SSBP2: variants seen among roughly 807,000 people sequenced by gnomAD.
SSBP2 encodes the protein single-stranded DNA-binding protein 2.
SSBP2 carries 17 observed loss-of-function variants against 61.8 expected under a neutral mutation model. The observed-to-expected ratio is 0.28, with a 90% CI of 0.19 to 0.41. SSBP2 has a LOEUF of 0.41. SSBP2 is among the 10% of genes least tolerant of loss of function. The pLI, the probability that SSBP2 is intolerant of heterozygous loss-of-function variation, is 1.00. For missense variants in SSBP2, 310 were observed against 458.7 expected, an observed-to-expected ratio of 0.68 and a Z score of 2.96; for synonymous variants, 139 against 141.3, an observed-to-expected ratio of 0.98 and a Z score of 0.12.
chr5:81,488,010 AATATATATATATATATATATATAT>A (rs59039206), intron 6 of SSBP2, among the ~76,000 whole-genome samples: 8,842 of 38,858 alleles, frequency 0.23, 1,061 homozygotes, highest in Non-Finnish European at 0.27. Context: ...ATGGCCAAAT[AATATATATATATATATATATATAT>A]ATATATATAT....
At chr5:81,640,701 G>A (rs1309173724) in intron 2 of SSBP2, among the ~76,000 whole-genome samples, 2 of 151,012 alleles carry the variant, frequency 1.3e-5, no homozygotes, top group African/African-American at 4.9e-5. Flanking sequence ...CAAAAACTCT[G>A]ATGTCCTGCT....
intron 12 of SSBP2, among the ~76,000 whole-genome samples, chr5:81,446,156 A>G (rs1763387735): frequency 6.6e-6 from 1 of 152,060 alleles, no homozygotes; most frequent in South Asian, 2.1e-4. Flanking sequence ...ATAGAGTCAC[A>G]TGGTATGAAC....
At chr5:81,450,762 C>A (rs1763716697) in intron 10 of SSBP2, among the ~76,000 whole-genome samples, 1 of 152,226 alleles carries the variant, frequency 6.6e-6, no homozygotes, top group East Asian at 1.9e-4. Context: ...TCCTTCATGG[C>A]ACTGTCAACA....
chr5:81,440,685 C>T (rs1386101675), intron 13 of SSBP2, 49 bp from the exon 14 acceptor site: 1 of 1,340,638 alleles, frequency 7.5e-7, no homozygotes, highest in Non-Finnish European at 1.0e-6. Flanking sequence ...AAAACAATGG[C>T]TTATCTCAAT....
Position 81,606,930 on chromosome 5 carries a change from G to C in SSBP2, c.282+8543C>G, listed in dbSNP as rs575740129. 2.0e-5 allele frequency among the ~76,000 whole-genome samples: 3 copies of C among 152,282 alleles called. No homozygotes were observed. The South Asian group carries it at 6.2e-4, about 32-fold the overall frequency. On this transcript the variant is annotated intron_variant, in intron 4 of 16. Transcript: ENST00000320672. ...TGTTTCACAAGGATATTCCAGGCTAGAGCAAAAAGTAAAAAGCCAGCCTTG... is the reference window on the plus strand; with the variant it reads ...TGTTTCACAAGGATATTCCAGGCTACAGCAAAAAGTAAAAAGCCAGCCTTG...
intron 4 of SSBP2, among the ~76,000 whole-genome samples, chr5:81,597,623 G>A (rs1743903624): frequency 6.6e-6 from 1 of 152,048 alleles, no homozygotes; most frequent in South Asian, 2.1e-4. Flanking sequence ...GTCCAACAAC[G>A]ATGGACTGGA....
chr5:81,454,872 CTCT>C (rs1764025299), intron 10 of SSBP2, among the ~76,000 whole-genome samples: 1 of 152,030 alleles, frequency 6.6e-6, no homozygotes, highest in Non-Finnish European at 1.5e-5. Flanking sequence ...ATCTAATGGT[CTCT>C]TCTTCTCCTC....
intron 6 of SSBP2, among the ~76,000 whole-genome samples, chr5:81,477,389 C>T (rs953743387): frequency 1.3e-4 from 20 of 152,308 alleles, no homozygotes; most frequent in African/African-American, 4.8e-4. Flanking sequence ...AATTCAACAA[C>T]TCCAATTCCA....
At chr5:81,529,910 G>C (rs545915594) in intron 4 of SSBP2, among the ~76,000 whole-genome samples, 23 of 152,116 alleles carry the variant, frequency 1.5e-4, no homozygotes, top group African/African-American at 5.3e-4. Context: ...CATGATGATA[G>C]TGATATTTCT....
chr5:81,513,778 C>T, intron 4 of SSBP2, 61 bp from the exon 5 acceptor site: 1 of 1,068,968 alleles, frequency 9.4e-7, no homozygotes, highest in Non-Finnish European at 1.4e-6. Flanking sequence ...AAACCAAAGA[C>T]TAATGATAAT....
chr5:81,489,103 A>G (rs1412106422), intron 6 of SSBP2, 147 bp downstream of exon 6: 1 of 679,464 alleles, frequency 1.5e-6, no homozygotes, highest in Non-Finnish European at 2.5e-6. Flanking sequence ...TATGAGCTGT[A>G]GTTTGCCAAC....
chr5:81,683,451 C>A (rs1488914087), intron 1 of SSBP2, among the ~76,000 whole-genome samples: 1 of 152,116 alleles, frequency 6.6e-6, no homozygotes, highest in African/African-American at 2.4e-5. Context: ...AATCTAGACA[C>A]ATATCTTGTG....
chr5:81,464,192 G>A (rs1433440096), intron 9 of SSBP2, among the ~76,000 whole-genome samples: 3 of 152,078 alleles, frequency 2.0e-5, no homozygotes, highest in South Asian at 4.1e-4. Context: ...TTTTGGCCTC[G>A]TAGTATTGCT....
chr5:81,595,198 A>G (rs1381029248), intron 4 of SSBP2, among the ~76,000 whole-genome samples: 1 of 152,138 alleles, frequency 6.6e-6, no homozygotes, highest in African/African-American at 2.4e-5. Flanking sequence ...TACCATCAGA[A>G]AATACTATAA....
chr5:81,568,553 G>C (rs2972242), intron 4 of SSBP2, among the ~76,000 whole-genome samples: 11,309 of 152,198 alleles, frequency 0.074, 611 homozygotes, highest in Non-Finnish European at 0.11. Context: ...ATCCTTATGA[G>C]AGTAAGACAA....
intron 4 of SSBP2, among the ~76,000 whole-genome samples, chr5:81,566,374 G>A (rs181977939): frequency 5.3e-5 from 8 of 152,302 alleles, no homozygotes; most frequent in African/African-American, 1.9e-4. Flanking sequence ...TCTTGTGGTA[G>A]TGAATAAGTC....
intron 1 of SSBP2, among the ~76,000 whole-genome samples, chr5:81,664,741 G>A (rs1354565663): frequency 1.3e-5 from 2 of 151,980 alleles, no homozygotes; most frequent in East Asian, 3.8e-4. Context: ...GAAATAAATT[G>A]GCTTGTTTAA....
chr5:81,475,636 A>G, intron 6 of SSBP2, among the ~76,000 whole-genome samples: 1 of 152,058 alleles, frequency 6.6e-6, no homozygotes, highest in East Asian at 1.9e-4. Flanking sequence ...CATGCATTCA[A>G]TCAACAATGT....
intron 1 of SSBP2, among the ~76,000 whole-genome samples, chr5:81,696,774 T>C (rs1226466433): frequency 6.6e-6 from 1 of 152,230 alleles, no homozygotes; most frequent in Non-Finnish European, 1.5e-5. Context: ...TATAGAGTGA[T>C]TAATTCATAT....
Sources: gnomAD v4.1 joint callset for allele counts (sites outside exome capture counted in the v4.1 genomes callset) on GRCh38, gnomAD v4.1.1 for gene constraint, MANE v1.5 for transcripts, NCBI Gene and HGNC (gene_info 2026-07-23, HGNC 2026-07-21) for gene names.